APP: variants seen among roughly 807,000 people sequenced by gnomAD.
APP encodes the protein amyloid-beta precursor protein.
A neutral mutation model predicts 101.4 loss-of-function variants in APP; 31 were observed. That is an observed-to-expected ratio of 0.31 (90% CI 0.23 to 0.41). The LOEUF (loss-of-function observed/expected upper bound fraction) is 0.41. Ranked by LOEUF, APP falls within the 10% of genes least tolerant of loss-of-function variation. The probability of loss-of-function intolerance (pLI) is 1.00; values close to 1 mark genes in which losing one functional copy is unlikely to be tolerated. For missense variants in APP, 839 were observed against 1,003.7 expected (o/e 0.84, Z 2.22); for synonymous variants, 366 against 364.4 (o/e 1.00, Z -0.05).
chr21:25,955,755 G>C lies in APP; in HGVS notation c.1459C>G (p.Pro487Ala). ...ITALQAVPPR[P>A]RHVFNMLKKY... ...TTTAGCATATTGAACACGTGACGAGGCTGTGGGAGGAAAATGAAAAACTCT... is the reference window on the plus strand; with the variant it reads ...TTTAGCATATTGAACACGTGACGAGCCTGTGGGAGGAAAATGAAAAACTCT... Residue 487 changes from proline to alanine, a missense_variant and splice_region_variant, in exon 12 of 18, where the codon CCT becomes GCT. Physicochemically the swap from Pro to Ala is conservative, Grantham distance 27. Transcript: ENST00000346798. 6.2e-7 allele frequency: 1 copy of C among 1,614,128 alleles called. No individual in the cohort carries two copies.
chr21:26,084,779 A>G (rs895321605), intron 3 of APP, among the ~76,000 whole-genome samples: 1 of 151,324 alleles, frequency 6.6e-6, no homozygotes, highest in Non-Finnish European at 1.5e-5. Context: ...TGAAGATCGT[A>G]TGAATGAACG....
intron 11 of APP, among the ~76,000 whole-genome samples, chr21:25,968,056 T>C (rs1355895581): frequency 6.6e-6 from 1 of 152,234 alleles, no homozygotes; most frequent in Non-Finnish European, 1.5e-5. Flanking sequence ...GTAAGAGTTT[T>C]TTCTGAGTGC....
chr21:25,887,507 C>T lies in APP; in HGVS notation c.2211+4215G>A. On this transcript the variant is annotated intron_variant, in intron 17 of 17. Coordinates refer to ENST00000346798, the MANE Select transcript of APP (RefSeq NM_000484.4). ...AGTAAATTCAGTAAGTCAATATTTC[C>T]TGCTTATTTGAAAAAAAAAAAAAAA... 1.5e-5 allele frequency among the ~76,000 whole-genome samples: 2 copies of T among 132,206 alleles called. 1 individual carries two copies. The highest frequency in any genetic ancestry group is 5.4e-4 in the South Asian group (2 of 3,686). 86.7% of individuals were successfully genotyped at this position (132,206 alleles called of 152,430 possible). A position where few individuals can be genotyped will look rare whatever the true frequency, so the allele number is the denominator to read the frequency against.
At chr21:26,080,769 CAA>C (rs58573361) in intron 3 of APP, among the ~76,000 whole-genome samples, 23 of 95,748 alleles carry the variant, frequency 2.4e-4, no homozygotes, top group African/African-American at 2.8e-4. Flanking sequence ...GACTCTATCT[CAA>C]AAAAAAAAAA....
At chr21:26,167,178 T>C (rs2063635781) in intron 1 of APP, among the ~76,000 whole-genome samples, 1 of 152,178 alleles carries the variant, frequency 6.6e-6, no homozygotes, top group Admixed American at 6.5e-5. Flanking sequence ...GTATTTTCCT[T>C]TTGGTATTTT....
intron 3 of APP, among the ~76,000 whole-genome samples, chr21:26,074,931 T>C (rs944619638): frequency 6.6e-6 from 1 of 152,218 alleles, no homozygotes; most frequent in African/African-American, 2.4e-5. Flanking sequence ...TTTATTAAGA[T>C]CCAAAGACAC....
intron 1 of APP, among the ~76,000 whole-genome samples, chr21:26,159,711 C>T (rs1019146499): frequency 1.3e-5 from 2 of 152,118 alleles, no homozygotes; most frequent in Non-Finnish European, 2.9e-5. Flanking sequence ...AACAACAAGA[C>T]ACTAATATTT....
chr21:25,952,598 T>G (rs1601008091), intron 13 of APP, among the ~76,000 whole-genome samples: 2 of 152,298 alleles, frequency 1.3e-5, no homozygotes, highest in East Asian at 3.9e-4. Context: ...AATTTAATTA[T>G]AAAGAGTCAA....
At chr21:26,095,897 A>G (rs2061930973) in intron 2 of APP, among the ~76,000 whole-genome samples, 1 of 152,226 alleles carries the variant, frequency 6.6e-6, no homozygotes, top group African/African-American at 2.4e-5. Context: ...AATGTTTTTT[A>G]TGTGAAACCC....
intron 14 of APP, among the ~76,000 whole-genome samples, chr21:25,908,678 G>T (rs567882141): frequency 1.8e-5 from 2 of 111,266 alleles, no homozygotes; most frequent in East Asian, 4.8e-4. Flanking sequence ...TCTCTAATAA[G>T]ATCCTGGCTC....
intron 14 of APP, among the ~76,000 whole-genome samples, chr21:25,910,869 G>A (rs1422125115): frequency 6.6e-6 from 1 of 152,172 alleles, no homozygotes; most frequent in Admixed American, 6.5e-5. Context: ...GAAATTTCAT[G>A]TAAGAATAAG....
At chr21:25,975,297 T>TA (rs1369826507) in intron 10 of APP, 69 bp from the exon 11 acceptor site, 55 of 1,595,056 alleles carry the variant, frequency 3.4e-5, no homozygotes, top group Non-Finnish European at 4.5e-5. Context: ...TCAAGTCTTC[T>TA]AAAAAAGACA....
At chr21:26,112,280 A>C (rs1220065112) in intron 1 of APP, 134 bp from the exon 2 acceptor site, 1 of 877,352 alleles carries the variant, frequency 1.1e-6, no homozygotes, top group African/African-American at 1.7e-5. Context: ...GGTCTTCAAC[A>C]CTCCTTTAGA....
At position 25,897,763 on chromosome 21, in the gene APP, T is replaced by A. The variant is rs567159437; in HGVS notation, c.1964-90A>T. 500 of 1,068,750 alleles carry A rather than the reference T, an allele frequency of 4.7e-4. 4 individuals carry two copies. Among genetic ancestry groups the A allele is most frequent in the South Asian group, 2.1e-3 (170 of 79,532 alleles). 66.2% of individuals were successfully genotyped at this position (1,068,750 alleles called of 1,614,324 possible). A position where few individuals can be genotyped will look rare whatever the true frequency, so the allele number is the denominator to read the frequency against. On this transcript the variant is annotated intron_variant, in intron 15 of 17. Transcript: ENST00000346798. ...TGTAAGACAAAGCCTACCCAAAACT[T>A]CTTTCTAGGCCTGAAGTTAGAAGAA... is the stretch of plus-strand genomic sequence containing the variant.
intron 5 of APP, among the ~76,000 whole-genome samples, chr21:26,027,647 A>G (rs954024312): frequency 6.6e-6 from 1 of 152,196 alleles, no homozygotes; most frequent in Non-Finnish European, 1.5e-5. Context: ...AGTAACTGGC[A>G]GGGGCCAGGA....
intron 13 of APP, among the ~76,000 whole-genome samples, chr21:25,949,869 G>C (rs2040988062): frequency 6.6e-6 from 1 of 152,172 alleles, no homozygotes; most frequent in Non-Finnish European, 1.5e-5. Flanking sequence ...GCAGGTCTTG[G>C]CTTCCACCCC....
intron 8 of APP, among the ~76,000 whole-genome samples, chr21:25,986,619 G>GT (rs1258725131): frequency 7.5e-6 from 1 of 133,566 alleles, no homozygotes; most frequent in African/African-American, 3.3e-5. Context: ...AGAATCGCTT[G>GT]AACCTGGGAG....
At chr21:25,978,215 T>C (rs1005459796) in intron 9 of APP, among the ~76,000 whole-genome samples, 2 of 152,210 alleles carry the variant, frequency 1.3e-5, no homozygotes, top group Non-Finnish European at 2.9e-5. Context: ...CAATATCCTA[T>C]ACCCCCACAA....
intron 13 of APP, among the ~76,000 whole-genome samples, chr21:25,916,079 C>G (rs985637767): frequency 6.6e-6 from 1 of 151,770 alleles, no homozygotes; most frequent in Non-Finnish European, 1.5e-5. Flanking sequence ...TCATTCAGAA[C>G]AACGAACCTC....
Sources: gnomAD v4.1 joint callset for allele counts (sites outside exome capture counted in the v4.1 genomes callset) on GRCh38, gnomAD v4.1.1 for gene constraint, MANE v1.5 for transcripts, NCBI Gene and HGNC (gene_info 2026-07-23, HGNC 2026-07-21) for gene names.